Variants in RBFOX3 observed in about 807,000 individuals in gnomAD.
The protein encoded by RBFOX3 is RNA binding protein fox-1 homolog 3.
A neutral mutation model predicts 48.7 loss-of-function variants in RBFOX3; 17 were observed. The ratio of observed to expected loss-of-function variants is 0.35; its 90% confidence interval spans 0.24 to 0.52. RBFOX3 has a LOEUF of 0.52. Ranked by LOEUF, RBFOX3 falls within the 20% of genes least tolerant of loss-of-function variation. RBFOX3 has a pLI of 0.94. For synonymous variants in RBFOX3, 212 were observed against 209.5 expected, an observed-to-expected ratio of 1.01 and a Z score of -0.10; for missense variants, 382 against 497.5, an observed-to-expected ratio of 0.77 and a Z score of 2.21.
At chr17:79,620,290 C>T in the RBFOX3 span, among the ~76,000 whole-genome samples, 3 of 151,064 alleles carry the variant, frequency 2.0e-5, no homozygotes, top group Admixed American at 6.6e-5. Flanking sequence ...TATGCGCACA[C>T]ACGCACACAC....
intron 4 of RBFOX3, among the ~76,000 whole-genome samples, chr17:79,140,498 G>A (rs1344698827): frequency 2.0e-5 from 3 of 152,246 alleles, no homozygotes; most frequent in Non-Finnish European, 4.4e-5. Flanking sequence ...GGCTGGCACC[G>A]GCACCCACAT....
chr17:79,112,656 C>T (rs2032214823), intron 5 of RBFOX3, among the ~76,000 whole-genome samples: 1 of 152,096 alleles, frequency 6.6e-6, no homozygotes, highest in Admixed American at 6.5e-5. Flanking sequence ...ACCCTGCCGT[C>T]TAGGGGCCGG....
intron 2 of RBFOX3, among the ~76,000 whole-genome samples, chr17:79,426,950 C>T (rs1288083565): frequency 1.3e-5 from 2 of 152,092 alleles, no homozygotes; most frequent in Non-Finnish European, 2.9e-5. Context: ...GTGATCCACC[C>T]GCCTCGGCCT....
chr17:79,550,382 A>C (rs2091017849), intron 1 of RBFOX3, among the ~76,000 whole-genome samples: 1 of 152,212 alleles, frequency 6.6e-6, no homozygotes, highest in African/African-American at 2.4e-5. Flanking sequence ...AAACTGGTAC[A>C]GTAAAAGGGG....
chr17:79,612,713 C>G (rs891777914), upstream of RBFOX3, among the ~76,000 whole-genome samples: 1 of 152,236 alleles, frequency 6.6e-6, no homozygotes, highest in Non-Finnish European at 1.5e-5. Flanking sequence ...CCCCTGCCAC[C>G]GGATTTGAAA....
chr17:79,201,350 G>C (rs1024494960), intron 4 of RBFOX3, among the ~76,000 whole-genome samples: 3 of 152,184 alleles, frequency 2.0e-5, no homozygotes, highest in Non-Finnish European at 2.9e-5. Flanking sequence ...AGAGGGGAGG[G>C]AGGGAAACCA....
At chr17:79,410,745 C>T (rs549094033) in intron 2 of RBFOX3, among the ~76,000 whole-genome samples, 6 of 152,294 alleles carry the variant, frequency 3.9e-5, no homozygotes, top group South Asian at 4.1e-4. Context: ...GGCACATGCA[C>T]GCCCAGGTCA....
chr17:79,561,083 A>G (rs1479888014), intron 1 of RBFOX3, among the ~76,000 whole-genome samples: 10 of 152,186 alleles, frequency 6.6e-5, no homozygotes, highest in Non-Finnish European at 1.5e-4. Flanking sequence ...TCACAATTCA[A>G]ACAAATAGAC....
chr17:79,646,861 C>CT, the RBFOX3 span, among the ~76,000 whole-genome samples: 1 of 152,208 alleles, frequency 6.6e-6, no homozygotes, highest in South Asian at 2.1e-4. Context: ...ATCCATCTGC[C>CT]TGACCTGCTT....
chr17:79,407,429 G>A (rs2063696482), intron 2 of RBFOX3, among the ~76,000 whole-genome samples: 1 of 152,270 alleles, frequency 6.6e-6, no homozygotes, highest in South Asian at 2.1e-4. Flanking sequence ...TTCCCCTGGG[G>A]GAGGACAGGA....
chr17:79,493,669 G>A (rs2081027125), intron 1 of RBFOX3, among the ~76,000 whole-genome samples: 1 of 152,188 alleles, frequency 6.6e-6, no homozygotes, highest in South Asian at 2.1e-4. Context: ...ATTTGTTTCT[G>A]TCTCAGCCAT....
At chr17:79,145,805 G>A (rs760380256) in intron 4 of RBFOX3, among the ~76,000 whole-genome samples, 13 of 152,352 alleles carry the variant, frequency 8.5e-5, no homozygotes, top group Middle Eastern at 3.4e-3. Context: ...GGGCGACGGT[G>A]CCCTGCAGGG....
At chr17:79,146,813 T>A (rs1451582581) in intron 4 of RBFOX3, among the ~76,000 whole-genome samples, 1 of 152,072 alleles carries the variant, frequency 6.6e-6, no homozygotes, top group Non-Finnish European at 1.5e-5. Flanking sequence ...AGATGGTGGG[T>A]CTCCTCTCTG....
At chr17:79,368,401 C>T (rs182779332) in intron 2 of RBFOX3, among the ~76,000 whole-genome samples, 28 of 152,374 alleles carry the variant, frequency 1.8e-4, no homozygotes, top group African/African-American at 6.3e-4. Flanking sequence ...CTGGGTTTCC[C>T]AATGTGGCTT....
At chr17:79,130,015 G>A (rs929871715) in intron 4 of RBFOX3, among the ~76,000 whole-genome samples, 13 of 152,324 alleles carry the variant, frequency 8.5e-5, no homozygotes, top group Middle Eastern at 3.4e-3. Flanking sequence ...GGGACCGGGA[G>A]GAGGCTGGGC....
At chr17:79,244,527 G>A (rs1482069940) in intron 3 of RBFOX3, among the ~76,000 whole-genome samples, 2 of 149,164 alleles carry the variant, frequency 1.3e-5, no homozygotes, top group African/African-American at 2.5e-5. Context: ...GGCTGCGGGC[G>A]CACAGTGGGC....
chr17:79,440,064 G>A (rs1382355217), intron 2 of RBFOX3, among the ~76,000 whole-genome samples: 3 of 152,158 alleles, frequency 2.0e-5, no homozygotes, highest in Non-Finnish European at 4.4e-5. Flanking sequence ...AGGGCACTTG[G>A]GGGGATCTGG....
At position 79,477,108 on chromosome 17, in the gene RBFOX3, C is replaced by T. The variant is rs2077917074; in HGVS notation, c.-175+5346G>A. ...ATTAGCCAGGCGTGGTGGTGGGCGC[C>T]TGTAATCCCAGTTACTCGGGAAGCT... On this transcript the variant is annotated intron_variant, in intron 2 of 14. Coordinates refer to ENST00000693108, the MANE Select transcript of RBFOX3 (RefSeq NM_001350451.2). This position sits in a 1 kb window ranked among gnomAD's most constrained non-coding sequence, Gnocchi z 4.8. Among the ~76,000 whole-genome samples, 1 of 151,420 alleles carries T rather than the reference C, an allele frequency of 6.6e-6. No homozygotes were observed. The highest frequency in any genetic ancestry group is 1.5e-5 in the Non-Finnish European group (1 of 67,906).
intron 4 of RBFOX3, among the ~76,000 whole-genome samples, chr17:79,135,800 C>CA (rs1194268054): frequency 6.6e-6 from 1 of 152,204 alleles, no homozygotes; most frequent in East Asian, 1.9e-4. Context: ...GCCAAGGACT[C>CA]AGAGATAGAT....
Sources: gnomAD v4.1 joint callset for allele counts (sites outside exome capture counted in the v4.1 genomes callset) on GRCh38, gnomAD v4.1.1 for gene constraint, Gnocchi (gnomAD v3.1) non-coding constraint, MANE v1.5 for transcripts, NCBI Gene and HGNC (gene_info 2026-07-23, HGNC 2026-07-21) for gene names.